CDH12: variants seen among roughly 807,000 people sequenced by gnomAD.
The protein encoded by CDH12 is cadherin-12.
A neutral mutation model predicts 74.1 loss-of-function variants in CDH12; 41 were observed. The ratio of observed to expected loss-of-function variants is 0.55; its 90% CI spans 0.43 to 0.72. CDH12 has a LOEUF of 0.72. Ranked by LOEUF, CDH12 falls within the 30% of genes least tolerant of loss-of-function variation. CDH12 has a pLI of 0.00. For missense variants in CDH12, 945 were observed against 977.2 expected, an observed-to-expected ratio of 0.97 and a Z score of 0.44; for synonymous variants, 399 against 355.0, an observed-to-expected ratio of 1.12 and a Z score of -1.39.
chr5:22,076,574 C>T (rs528714637), intron 5 of CDH12, among the ~76,000 whole-genome samples: 1 of 152,174 alleles, frequency 6.6e-6, no homozygotes, highest in Admixed American at 6.6e-5. Flanking sequence ...TGTTCCCCTT[C>T]CATTTGTCTT....
At chr5:22,706,468 G>A (rs945336450) in intron 1 of CDH12, among the ~76,000 whole-genome samples, 1 of 151,764 alleles carries the variant, frequency 6.6e-6, no homozygotes, top group African/African-American at 2.4e-5. Flanking sequence ...TAATATGAAT[G>A]TTTTGGTATG....
intron 3 of CDH12, among the ~76,000 whole-genome samples, chr5:22,349,765 G>T (rs577238630): frequency 6.6e-6 from 1 of 151,916 alleles, no homozygotes; most frequent in Admixed American, 6.6e-5. Context: ...GACGGAGTCT[G>T]GCTCTGTCGC....
chr5:22,154,067 A>G (rs574037689), intron 4 of CDH12, among the ~76,000 whole-genome samples: 9 of 148,904 alleles, frequency 6.0e-5, no homozygotes, highest in Middle Eastern at 3.6e-3. Context: ...TTAGAAATTT[A>G]TCAGTGATGC....
At chr5:22,010,161 T>A (rs1737219508) in intron 5 of CDH12, among the ~76,000 whole-genome samples, 1 of 152,118 alleles carries the variant, frequency 6.6e-6, no homozygotes, top group Non-Finnish European at 1.5e-5. Context: ...TGCTTTACCA[T>A]CATATTCGAA....
intron 1 of CDH12, among the ~76,000 whole-genome samples, chr5:22,772,217 C>A (rs1746842023): frequency 6.6e-6 from 1 of 151,752 alleles, no homozygotes. Context: ...ATGGAACTGG[C>A]CATGGGAGGT....
At chr5:21,996,068 GA>G (rs1363287049) in intron 5 of CDH12, among the ~76,000 whole-genome samples, 5 of 147,798 alleles carry the variant, frequency 3.4e-5, no homozygotes, top group Non-Finnish European at 7.4e-5. Flanking sequence ...TGAGATATTT[GA>G]GCAGTCGGCT....
chr5:21,764,122 C>T (rs1744872723), intron 12 of CDH12, among the ~76,000 whole-genome samples: 1 of 152,084 alleles, frequency 6.6e-6, no homozygotes, highest in African/African-American at 2.4e-5. Context: ...TGCCTGTAAT[C>T]CCAGCACTTT....
At chr5:22,339,213 T>C (rs1739738315) in intron 3 of CDH12, among the ~76,000 whole-genome samples, 1 of 152,210 alleles carries the variant, frequency 6.6e-6, no homozygotes, top group Non-Finnish European at 1.5e-5. Flanking sequence ...AGTAATTTTG[T>C]CTGCATTTTT....
intron 1 of CDH12, among the ~76,000 whole-genome samples, chr5:22,558,815 A>G (rs190142248): frequency 3.1e-4 from 47 of 152,248 alleles, no homozygotes; most frequent in East Asian, 3.1e-3. Flanking sequence ...CTTATTTTAT[A>G]AAATGGCAAT....
intron 1 of CDH12, among the ~76,000 whole-genome samples, chr5:22,513,265 G>A (rs1451004349): frequency 2.0e-5 from 3 of 151,906 alleles, no homozygotes; most frequent in Admixed American, 2.0e-4. Context: ...AACTAAAGGG[G>A]ATATCTGCAG....
chr5:22,475,346 G>GA lies in CDH12; in HGVS notation c.-428+29923dup, dbSNP rs1390182015. ...ATGCATGCATTTTATAATTACTAAA[G>GA]AAAAAATAACTAACCGATTAATAGG... On this transcript the variant is annotated intron_variant, in intron 2 of 14. Coordinates refer to ENST00000382254, the MANE Select transcript of CDH12 (RefSeq NM_004061.5). Among the ~76,000 whole-genome samples, 8 of 151,568 alleles carry GA rather than the reference G, an allele frequency of 5.3e-5. No homozygotes were observed. In the South Asian group the frequency reaches 1.5e-3, roughly 28 times the overall value.
chr5:22,147,325 G>A (rs1337317013), intron 4 of CDH12, among the ~76,000 whole-genome samples: 1 of 152,070 alleles, frequency 6.6e-6, no homozygotes, highest in Non-Finnish European at 1.5e-5. Context: ...TCCCTTTGGA[G>A]GATGTTTGTT....
chr5:21,947,461 G>C (rs564061464), intron 6 of CDH12, among the ~76,000 whole-genome samples: 1 of 152,306 alleles, frequency 6.6e-6, no homozygotes, highest in Admixed American at 6.5e-5. Context: ...GAACTCATTA[G>C]GAGCTAGAGC....
intron 3 of CDH12, among the ~76,000 whole-genome samples, chr5:22,249,789 ATC>A (rs928763660): frequency 3.3e-5 from 5 of 152,232 alleles, no homozygotes; most frequent in Non-Finnish European, 5.9e-5. Context: ...TAATGGAGAA[ATC>A]TCTCTCTGTC....
At chr5:22,757,760 C>A (rs1315404991) in intron 1 of CDH12, among the ~76,000 whole-genome samples, 1 of 152,130 alleles carries the variant, frequency 6.6e-6, no homozygotes, top group Non-Finnish European at 1.5e-5. Context: ...TCAATAACAA[C>A]TTGTATAAGT....
chr5:22,701,277 C>T (rs1317363454), intron 1 of CDH12, among the ~76,000 whole-genome samples: 1 of 152,154 alleles, frequency 6.6e-6, no homozygotes, highest in African/African-American at 2.4e-5. Flanking sequence ...ATTGCACCCT[C>T]ATTGATTTAT....
At chr5:22,616,722 G>C (rs1737708379) in intron 1 of CDH12, among the ~76,000 whole-genome samples, 1 of 152,018 alleles carries the variant, frequency 6.6e-6, no homozygotes. Context: ...TGGATGGTGA[G>C]TGCTATGATC....
chr5:22,687,362 T>G (rs1209081075), intron 1 of CDH12, among the ~76,000 whole-genome samples: 1 of 152,228 alleles, frequency 6.6e-6, no homozygotes, highest in Non-Finnish European at 1.5e-5. Context: ...AATTATGTTG[T>G]TATTATGTTG....
intron 3 of CDH12, among the ~76,000 whole-genome samples, chr5:22,384,538 A>AAG (rs1301325638): frequency 2.9e-5 from 4 of 138,272 alleles, no homozygotes; most frequent in Admixed American, 1.5e-4. Context: ...AAAAAAAAAA[A>AAG]AAGAAAAAGA....
Sources: allele counts gnomAD v4.1 joint callset (sites outside exome capture counted in the v4.1 genomes callset), GRCh38; gene constraint gnomAD v4.1.1; transcripts MANE v1.5; gene names NCBI Gene and HGNC (gene_info 2026-07-23, HGNC 2026-07-21).